The following LEPROTL1 variants were observed in gnomAD, a reference collection of about 807,000 sequenced individuals.
LEPROTL1 encodes the protein leptin receptor overlapping transcript like 1.
In LEPROTL1, 6 loss-of-function variants were observed where a neutral mutation model predicts 15.4. The observed-to-expected ratio is 0.39, with a 90% CI of 0.21 to 0.77. LEPROTL1 has a LOEUF of 0.77. Ranked by LOEUF, LEPROTL1 falls within the 30% of genes least tolerant of loss-of-function variation. LEPROTL1 has a pLI of 0.41. For synonymous variants in LEPROTL1, 56 were observed against 52.6 expected, an observed-to-expected ratio of 1.06 and a Z score of -0.28; for missense variants, 128 against 158.1, an observed-to-expected ratio of 0.81 and a Z score of 1.02.
chr8:30,115,429 G>A (rs896788344), intron 3 of LEPROTL1, among the ~76,000 whole-genome samples: 12 of 150,530 alleles, frequency 8.0e-5, no homozygotes, highest in Admixed American at 3.3e-4. Context: ...TACCAAAAAT[G>A]CATACCTTCA....
chr8:30,132,526 T>A (rs762897669), intron 4 of LEPROTL1: 1 of 1,551,722 alleles, frequency 6.4e-7, no homozygotes, highest in South Asian at 1.2e-5. Flanking sequence ...CCACACGACA[T>A]AGATGCACTC....
At chr8:30,117,164 C>G (rs551341324) in intron 3 of LEPROTL1, among the ~76,000 whole-genome samples, 1 of 152,006 alleles carries the variant, frequency 6.6e-6, no homozygotes, top group African/African-American at 2.4e-5. Context: ...AGATGATCAT[C>G]GCTTTACTAA....
Position 30,095,473 on chromosome 8 carries a change from C to T in LEPROTL1, c.-40C>T, listed in dbSNP as rs980108292. On this transcript the variant is annotated 5_prime_UTR_variant, in exon 1 of 4. Transcript: ENST00000321250. ...GTCTCCCGGCTGCCGCTGCTGCCGCCGCCGCCTCGGGTCGTGGAGCCAGGA... is the reference window on the plus strand; with the variant it reads ...GTCTCCCGGCTGCCGCTGCTGCCGCTGCCGCCTCGGGTCGTGGAGCCAGGA... 10 of 1,466,126 alleles carry T rather than the reference C, an allele frequency of 6.8e-6. No homozygotes were observed. The Admixed American group carries it at 1.7e-4, about 25-fold the overall frequency. 90.8% of individuals were successfully genotyped at this position (1,466,126 alleles called of 1,614,324 possible).
chr8:30,134,095 CA>C (rs1206080667), intron 4 of LEPROTL1, among the ~76,000 whole-genome samples: 2 of 152,198 alleles, frequency 1.3e-5, no homozygotes. Flanking sequence ...GATTTCAAAA[CA>C]ATTATGTAAT....
intron 1 of LEPROTL1, among the ~76,000 whole-genome samples, chr8:30,097,011 T>G (rs1161536973): frequency 6.6e-6 from 1 of 152,238 alleles, no homozygotes; most frequent in Non-Finnish European, 1.5e-5. Flanking sequence ...TACTCTAATT[T>G]CTTTGTAATC....
chr8:30,117,951 G>T (rs1300043238), intron 3 of LEPROTL1, among the ~76,000 whole-genome samples: 1 of 151,392 alleles, frequency 6.6e-6, no homozygotes, highest in East Asian at 1.9e-4. Flanking sequence ...TAAAAAGCAG[G>T]CTATAAAATA....
chr8:30,124,868 T>A (rs1802883840), intron 3 of LEPROTL1, among the ~76,000 whole-genome samples: 1 of 152,226 alleles, frequency 6.6e-6, no homozygotes, highest in East Asian at 1.9e-4. Context: ...GTTAACATAA[T>A]GTTCTTTCTA....
At chr8:30,115,294 T>A (rs1220013954) in intron 3 of LEPROTL1, among the ~76,000 whole-genome samples, 2 of 151,768 alleles carry the variant, frequency 1.3e-5, no homozygotes, top group Non-Finnish European at 1.5e-5. Context: ...GAGGCAGAGA[T>A]TGCAGTGAGC....
chr8:30,110,945 G>T (rs1024051440), downstream of LEPROTL1, among the ~76,000 whole-genome samples: 3 of 152,130 alleles, frequency 2.0e-5, no homozygotes, highest in African/African-American at 7.2e-5. Context: ...TCTCTTGGTA[G>T]ATCAGTTTAT....
chr8:30,106,962 A>G lies in LEPROTL1; in HGVS notation c.*1100A>G. On this transcript the variant is annotated 3_prime_UTR_variant, in exon 4 of 4. Coordinates refer to ENST00000321250, the MANE Select transcript of LEPROTL1 (RefSeq NM_015344.3). ...ACATTCAGAGTGCCCCCTCCCCTGC[A>G]AGGCCTTGCCATGATTAACAAGTAA... 17 of 985,752 alleles carry G rather than the reference A, an allele frequency of 1.7e-5. No individual in the cohort carries two copies. Among genetic ancestry groups the G allele is most frequent in the Non-Finnish European group, 2.0e-5 (17 of 829,888 alleles). The allele number at this position is 985,752 out of a possible 1,614,324, so 61.1% of individuals were successfully genotyped here.
intron 3 of LEPROTL1, among the ~76,000 whole-genome samples, chr8:30,116,638 G>T (rs1017791305): frequency 3.9e-5 from 6 of 152,168 alleles, no homozygotes; most frequent in Admixed American, 6.5e-5. Flanking sequence ...CCTGGGGGTT[G>T]TGGGGCTCGG....
chr8:30,134,445 A>T (rs184767995), intron 4 of LEPROTL1, among the ~76,000 whole-genome samples: 20 of 151,946 alleles, frequency 1.3e-4, no homozygotes, highest in African/African-American at 4.8e-4. Flanking sequence ...AAAAAAAAAA[A>T]CAAAAAAAAA....
rs1802591461 is a variant in LEPROTL1, at chr8:30,107,717, C to T, written c.*1855C>T. Reference sequence around the variant, plus strand: ...CACATGAGTTAGAGAGCTGGTGAGACAGTTGGGAACTCTTTGTGCTTGTGA... The same window carrying T: ...CACATGAGTTAGAGAGCTGGTGAGATAGTTGGGAACTCTTTGTGCTTGTGA... On this transcript the variant is annotated 3_prime_UTR_variant, in exon 4 of 4. Coordinates refer to ENST00000321250, the MANE Select transcript of LEPROTL1 (RefSeq NM_015344.3). 1 of 984,408 alleles carries T rather than the reference C, an allele frequency of 1.0e-6. No homozygotes were observed. The highest frequency in any genetic ancestry group is 1.8e-5 in the African/African-American group (1 of 57,124). The allele number at this position is 984,408 out of a possible 1,614,324, so 61.0% of individuals were successfully genotyped here.
chr8:30,131,736 C>T (rs1438795502), intron 3 of LEPROTL1: 12 of 525,422 alleles, frequency 2.3e-5, no homozygotes, highest in Admixed American at 3.7e-5. Flanking sequence ...GAAACCACAT[C>T]TTTTTCCTTT....
intron 2 of LEPROTL1, among the ~76,000 whole-genome samples, chr8:30,102,884 G>A (rs961424965): frequency 1.3e-5 from 2 of 152,086 alleles, no homozygotes; most frequent in African/African-American, 4.8e-5. Context: ...TTTGTGCTGT[G>A]GGGGGAGTAC....
chr8:30,137,374 T>C (rs776812957), exon 5 of LEPROTL1: 133 of 1,551,554 alleles, frequency 8.6e-5, no homozygotes, highest in Middle Eastern at 1.7e-4. Context: ...CATGAGAAGA[T>C]TGTTACCTGC....
At chr8:30,100,797 T>G (rs1802453946) in intron 1 of LEPROTL1, among the ~76,000 whole-genome samples, 1 of 152,246 alleles carries the variant, frequency 6.6e-6, no homozygotes, top group Non-Finnish European at 1.5e-5. Flanking sequence ...ACTATGCCTA[T>G]TCAAGAAAGT....
At position 30,105,920 on chromosome 8, in the gene LEPROTL1, C is replaced by T; in HGVS notation, c.*58C>T. 7.0e-7 allele frequency: 1 copy of T among 1,424,420 alleles called. No homozygotes were observed. The highest frequency in any genetic ancestry group is 9.3e-7 in the Non-Finnish European group (1 of 1,079,966). 88.2% of individuals were successfully genotyped at this position (1,424,420 alleles called of 1,614,324 possible). ...TCCTGTCATTTGTTGGCCATTCACG[C>T]ACACAGGAGATGGGGCAGTTAATGC... is the stretch of plus-strand genomic sequence containing the variant. On this transcript the variant is annotated 3_prime_UTR_variant, in exon 4 of 4. Coordinates refer to ENST00000321250, the MANE Select transcript of LEPROTL1 (RefSeq NM_015344.3).
At chr8:30,132,908 T>C (rs143807940) in intron 4 of LEPROTL1, 2 of 1,500,814 alleles carry the variant, frequency 1.3e-6, no homozygotes, top group South Asian at 2.6e-5. Flanking sequence ...ATGCAGAACC[T>C]GCAAGATAAT....
Sources: gnomAD v4.1 joint callset for allele counts (sites outside exome capture counted in the v4.1 genomes callset) on GRCh38, gnomAD v4.1.1 for gene constraint, MANE v1.5 for transcripts, NCBI Gene and HGNC (gene_info 2026-07-23, HGNC 2026-07-21) for gene names.